NBEA: variants seen among roughly 807,000 people sequenced by gnomAD.
The protein encoded by NBEA is lysosomal-trafficking regulator 2.
NBEA carries 44 observed loss-of-function variants against 343.4 expected under a neutral mutation model. The ratio of observed to expected loss-of-function variants is 0.13; its 90% CI spans 0.10 to 0.16. The LOEUF is 0.16. Ranked by LOEUF, NBEA falls within the 10% of genes least tolerant of loss-of-function variation. NBEA has a pLI of 1.00. For missense variants in NBEA, 2,555 were observed against 3,631.3 expected (o/e 0.70, Z 7.62); for synonymous variants, 1,175 against 1,238.7 (o/e 0.95, Z 1.08).
intron 35 of NBEA, among the ~76,000 whole-genome samples, chr13:35,297,141 T>G (rs976422381): frequency 6.6e-6 from 1 of 152,102 alleles, no homozygotes; most frequent in African/African-American, 2.4e-5. Context: ...TTCATTTGTA[T>G]GTATATGTAA....
At chr13:35,183,892 A>G (rs2071491748) in intron 29 of NBEA, 84 bp from the exon 30 acceptor site, 2 of 891,194 alleles carry the variant, frequency 2.2e-6, no homozygotes, top group East Asian at 5.2e-5. Flanking sequence ...TTGCAGTAAT[A>G]CAGAATTGTC....
intron 18 of NBEA, among the ~76,000 whole-genome samples, chr13:35,155,202 C>G (rs2069083082): frequency 7.6e-6 from 1 of 130,878 alleles, no homozygotes; most frequent in Non-Finnish European, 1.7e-5. Flanking sequence ...GCATTTCAAA[C>G]AATAAATTCA....
intron 35 of NBEA, among the ~76,000 whole-genome samples, chr13:35,297,289 A>G (rs2036199885): frequency 6.6e-6 from 1 of 151,952 alleles, no homozygotes; most frequent in South Asian, 2.1e-4. Flanking sequence ...TAATCTCTCC[A>G]TCATTCCCTT....
chr13:35,448,785 C>T (rs1257419217), intron 39 of NBEA, among the ~76,000 whole-genome samples: 1 of 126,690 alleles, frequency 7.9e-6, no homozygotes, highest in East Asian at 2.1e-4. Flanking sequence ...TGAACTTGAA[C>T]TTCAGTTCAG....
intron 18 of NBEA, among the ~76,000 whole-genome samples, chr13:35,145,851 A>G (rs2068385435): frequency 6.6e-6 from 1 of 152,086 alleles, no homozygotes; most frequent in Admixed American, 6.5e-5. Context: ...AATATTCTTC[A>G]TTTTGTTTTT....
At chr13:35,087,960 G>T (rs1477054851) in intron 10 of NBEA, among the ~76,000 whole-genome samples, 1 of 151,852 alleles carries the variant, frequency 6.6e-6, no homozygotes, top group Non-Finnish European at 1.5e-5. Flanking sequence ...GAGTAAAGGG[G>T]TTGGTACGGG....
chr13:35,450,639 G>A (rs73502801), intron 39 of NBEA, among the ~76,000 whole-genome samples: 7,178 of 152,166 alleles, frequency 0.047, 221 homozygotes, highest in African/African-American at 0.067. Context: ...TTTATGGTCC[G>A]ACACCATAAT....
At chr13:34,982,813 A>G (rs2060403394) in intron 1 of NBEA, among the ~76,000 whole-genome samples, 1 of 152,116 alleles carries the variant, frequency 6.6e-6, no homozygotes. Flanking sequence ...TTGTTCATAT[A>G]TTTTATGGTT....
At chr13:35,381,747 G>C (rs1333205304) in intron 38 of NBEA, among the ~76,000 whole-genome samples, 1 of 152,002 alleles carries the variant, frequency 6.6e-6, no homozygotes, top group Non-Finnish European at 1.5e-5. Context: ...GAGAGGTCCT[G>C]ACCTGCCTTT....
At chr13:34,994,796 T>C (rs1017247662) in intron 1 of NBEA, among the ~76,000 whole-genome samples, 2 of 152,204 alleles carry the variant, frequency 1.3e-5, no homozygotes. Context: ...TGGCTGGAAG[T>C]CCAAGTCATC....
intron 47 of NBEA, among the ~76,000 whole-genome samples, chr13:35,604,236 A>C (rs936862822): frequency 2.0e-5 from 3 of 152,206 alleles, no homozygotes; most frequent in Non-Finnish European, 4.4e-5. Flanking sequence ...TGTTTTCTAC[A>C]GTATGGTTTT....
chr13:35,151,449 A>G (rs987966500), intron 18 of NBEA, among the ~76,000 whole-genome samples: 3 of 151,762 alleles, frequency 2.0e-5, no homozygotes, highest in Non-Finnish European at 4.4e-5. Flanking sequence ...AGGCAGAGGC[A>G]GGAGAATCGC....
intron 41 of NBEA, among the ~76,000 whole-genome samples, chr13:35,505,111 G>T (rs1024160507): frequency 1.3e-5 from 2 of 151,828 alleles, no homozygotes; most frequent in Non-Finnish European, 2.9e-5. Context: ...TTTTAAAAGA[G>T]GCTATGCCAT....
At chr13:35,103,382 A>G (rs138905499) in intron 11 of NBEA, among the ~76,000 whole-genome samples, 4 of 150,324 alleles carry the variant, frequency 2.7e-5, no homozygotes, top group Non-Finnish European at 5.9e-5. Flanking sequence ...CCTTCTTGAA[A>G]TGCTTTCTTG....
chr13:35,308,460 A>T (rs9600467), intron 35 of NBEA, among the ~76,000 whole-genome samples: 1 of 112,172 alleles, frequency 8.9e-6, no homozygotes, highest in Non-Finnish European at 1.8e-5. Flanking sequence ...ATATATATAT[A>T]TATATATATA....
chr13:35,119,780 G>A (rs148846354), intron 16 of NBEA, among the ~76,000 whole-genome samples: 2,596 of 152,104 alleles, frequency 0.017, 67 homozygotes, highest in African/African-American at 0.06. Context: ...TAGTAGAGAC[G>A]GGGTTTCACC....
chr13:35,201,338 GT>G (rs1202234573), intron 31 of NBEA, among the ~76,000 whole-genome samples: 1 of 151,848 alleles, frequency 6.6e-6, no homozygotes, highest in African/African-American at 2.4e-5. Flanking sequence ...ATTCTTTATT[GT>G]TTCTTAAACA....
chr13:35,231,356 T>G (rs1487395296), intron 33 of NBEA, among the ~76,000 whole-genome samples: 1 of 152,180 alleles, frequency 6.6e-6, no homozygotes, highest in African/African-American at 2.4e-5. Flanking sequence ...AGTAATATAT[T>G]GCAAATTATT....
chr13:35,667,271 G>C, intron 56 of NBEA, 103 bp from the exon 57 acceptor site: 1 of 927,538 alleles, frequency 1.1e-6, no homozygotes, highest in South Asian at 1.6e-5. Flanking sequence ...GTCCTCTTCC[G>C]TCACATCTGA....
Sources: gnomAD v4.1 joint callset for allele counts (sites outside exome capture counted in the v4.1 genomes callset) on GRCh38, gnomAD v4.1.1 for gene constraint, MANE v1.5 for transcripts, NCBI Gene and HGNC (gene_info 2026-07-23, HGNC 2026-07-21) for gene names.